SLIRP: variants seen among roughly 807,000 people sequenced by gnomAD.
The protein encoded by SLIRP is SRA stem-loop-interacting RNA-binding protein, mitochondrial.
In SLIRP, 12 loss-of-function variants were observed where a neutral mutation model predicts 13.4. The observed-to-expected ratio is 0.89, with a 90% CI of 0.57 to 1.45. The LOEUF is 1.45. Ranked by LOEUF, SLIRP falls within the 40% of genes most tolerant of loss-of-function variation. The pLI is 0.00. For missense variants in SLIRP, 154 were observed against 132.2 expected (o/e 1.17, Z -0.81); for synonymous variants, 55 against 47.1 (o/e 1.17, Z -0.69).
chr14:77,717,563 ACTG>A lies in SLIRP; in HGVS notation c.*4_*6del. On this transcript the variant is annotated 3_prime_UTR_variant, in exon 4 of 4. Transcript: ENST00000557342. ...GATGATGAAAAGAAAGATTTTTGAG[ACTG>A]CAGCCTATTAATAAAGTTAACATAA... The A allele has an allele frequency of 6.2e-7, 1 of 1,611,988 alleles. No individual in the cohort carries two copies. Among genetic ancestry groups the A allele is most frequent in the Middle Eastern group, 1.7e-4 (1 of 6,052 alleles).
intron 2 of SLIRP, among the ~76,000 whole-genome samples, chr14:77,712,229 GGAAA>G (rs2080445817): frequency 6.6e-6 from 1 of 151,654 alleles, no homozygotes; most frequent in Non-Finnish European, 1.5e-5. Context: ...GGTCAACTGG[GGAAA>G]AAGACTGACT....
intron 3 of SLIRP, among the ~76,000 whole-genome samples, chr14:77,716,712 G>T (rs1400130440): frequency 4.0e-5 from 6 of 150,198 alleles, no homozygotes; most frequent in Non-Finnish European, 5.9e-5. Flanking sequence ...GAAAGTACAA[G>T]ATGACCCTTT....
At chr14:77,710,642 C>G (rs185517790) in intron 1 of SLIRP, 196 bp from the exon 2 acceptor site, 23 of 1,526,144 alleles carry the variant, frequency 1.5e-5, no homozygotes, top group Non-Finnish European at 8.8e-7. Flanking sequence ...AACAACTTCT[C>G]TGTCCATCTC....
Position 77,710,633 on chromosome 14 carries a change from A to G in SLIRP, c.98-205A>G, listed in dbSNP as rs116431774. On this transcript the variant is annotated intron_variant, in intron 1 of 3. Transcript: ENST00000557342. Reference sequence around the variant, plus strand: ...GAGGATGGAGACTGCAGCCAACTCAACAACTTCTCTGTCCATCTCACCACC... The same window carrying G: ...GAGGATGGAGACTGCAGCCAACTCAGCAACTTCTCTGTCCATCTCACCACC... 4,328 of 1,523,542 alleles carry G rather than the reference A, an allele frequency of 2.8e-3. 108 individuals are homozygous for G. In the African/African-American group the frequency reaches 0.052, roughly 18 times the overall value. 94.4% of individuals were successfully genotyped at this position (1,523,542 alleles called of 1,614,324 possible).
Position 77,715,866 on chromosome 14 carries a change from T to C in SLIRP, c.251T>C (p.Ile84Thr). 1 of 1,612,832 alleles carries C rather than the reference T, an allele frequency of 6.2e-7. No homozygotes were observed. The highest frequency in any genetic ancestry group is 8.5e-7 in the Non-Finnish European group (1 of 1,178,884). The stretch of plus-strand genomic sequence containing the variant: ...GCACTACAACAGGAAAATCATATTA[T>C]AGATGGAGTAAAGGTAAATTTATTT... ...RNALQQENHI[I>T]DGVKVQVHTR... Residue 84 changes from isoleucine (I) to threonine (T), a missense_variant, in exon 3 of 4, where the codon ATA becomes ACA. Transcript: ENST00000557342.
intron 2 of SLIRP, chr14:77,712,094 G>A (rs2080444960): frequency 6.6e-6 from 1 of 152,096 alleles, no homozygotes; most frequent in African/African-American, 2.4e-5. Flanking sequence ...AATACCACAA[G>A]CGTAATGGCT....
chr14:77,717,268 C>G (rs1746393400), intron 3 of SLIRP, among the ~76,000 whole-genome samples: 1 of 152,184 alleles, frequency 6.6e-6, no homozygotes, highest in African/African-American at 2.4e-5. Flanking sequence ...CATTACAGGC[C>G]TGAGCCACTG....
At chr14:77,712,706 A>G (rs940622359) in intron 2 of SLIRP, among the ~76,000 whole-genome samples, 3 of 152,250 alleles carry the variant, frequency 2.0e-5, no homozygotes, top group East Asian at 3.9e-4. Context: ...TGGGCTTCCC[A>G]AAATGCTGGG....
chr14:77,711,647 C>T (rs2080441466), intron 2 of SLIRP: 1 of 152,264 alleles, frequency 6.6e-6, no homozygotes, highest in African/African-American at 2.4e-5. Context: ...CCTCTGCCTC[C>T]CAGGCTTAGG....
At chr14:77,715,991 G>A (rs2080474590) in intron 3 of SLIRP, 112 bp downstream of exon 3, 1 of 891,206 alleles carries the variant, frequency 1.1e-6, no homozygotes, top group Admixed American at 2.4e-5. Context: ...GGAGAGATTT[G>A]TAACTGAAGC....
At chr14:77,709,049 T>C (rs1472536386) in intron 1 of SLIRP, among the ~76,000 whole-genome samples, 1 of 152,212 alleles carries the variant, frequency 6.6e-6, no homozygotes, top group East Asian at 1.9e-4. Context: ...ATATGCAAAC[T>C]TCTTAGACTT....
chr14:77,715,734 G>A (rs1475623302), intron 2 of SLIRP, 38 bp from the exon 3 acceptor site: 5 of 1,548,830 alleles, frequency 3.2e-6, no homozygotes, highest in African/African-American at 1.4e-5. Context: ...ACTTTCTGAA[G>A]TTCATGATTA....
At chr14:77,712,275 C>CTTT (rs35035208) in intron 2 of SLIRP, among the ~76,000 whole-genome samples, 5,586 of 137,338 alleles carry the variant, frequency 0.041, 221 homozygotes, top group African/African-American at 0.089. Flanking sequence ...GGCAAAATTC[C>CTTT]TTTTTTTTTT....
At chr14:77,715,698 G>C in intron 2 of SLIRP, 74 bp from the exon 3 acceptor site, 10 of 1,219,978 alleles carry the variant, frequency 8.2e-6, no homozygotes, top group Non-Finnish European at 1.2e-5. Flanking sequence ...TGAAAAAGTT[G>C]GTAGTTTGAT....
intron 2 of SLIRP, among the ~76,000 whole-genome samples, chr14:77,714,003 T>A (rs2080458503): frequency 6.7e-6 from 1 of 149,676 alleles, no homozygotes; most frequent in Non-Finnish European, 1.5e-5. Flanking sequence ...CATTGTACTC[T>A]AGTTGGAAAT....
At chr14:77,716,281 C>T (rs767240807) in intron 3 of SLIRP, 28 of 158,282 alleles carry the variant, frequency 1.8e-4, no homozygotes, top group Admixed American at 5.7e-4. Context: ...TGCGCCACTG[C>T]ACTCCAGCCT....
intron 3 of SLIRP, 192 bp downstream of exon 3, chr14:77,716,071 C>G (rs1490802174): frequency 2.2e-6 from 1 of 462,180 alleles, no homozygotes; most frequent in Admixed American, 3.8e-5. Flanking sequence ...AATCCCAGCA[C>G]TTTGGGAGGC....
At position 77,715,832 on chromosome 14, in the gene SLIRP, C is replaced by T. The variant is rs1469696396; in HGVS notation, c.217C>T (p.Leu73Phe). Reference sequence around the variant, plus strand: ...GGTTCAGTTTTCTTCAGAAGAAGGACTTCGGAATGCACTACAACAGGAAAA... The same window carrying T: ...GGTTCAGTTTTCTTCAGAAGAAGGATTTCGGAATGCACTACAACAGGAAAA... ...GWVQFSSEEG[L>F]RNALQQENHI... Residue 73 changes from leucine (L) to phenylalanine (F), a missense_variant, in exon 3 of 4, where the codon CTT (leucine) becomes TTT (phenylalanine). Transcript: ENST00000557342. The T allele has an allele frequency of 4.3e-6, 7 of 1,614,084 alleles. No homozygotes were observed. Among genetic ancestry groups the T allele is most frequent in the Non-Finnish European group, 5.9e-6 (7 of 1,180,004 alleles).
chr14:77,710,430 A>T (rs2080431089), intron 1 of SLIRP: 2 of 483,904 alleles, frequency 4.1e-6, no homozygotes, highest in Non-Finnish European at 7.6e-6. Flanking sequence ...AGGTGAGGGC[A>T]ACTCAACACA....
Sources: allele counts gnomAD v4.1 joint callset (sites outside exome capture counted in the v4.1 genomes callset), GRCh38; gene constraint gnomAD v4.1.1; transcripts MANE v1.5; gene names NCBI Gene and HGNC (gene_info 2026-07-23, HGNC 2026-07-21).